ABCA1: variants seen among roughly 807,000 people sequenced by gnomAD.
ABCA1 encodes the protein phospholipid-transporting ATPase ABCA1.
In ABCA1, 133 loss-of-function variants were observed where a neutral mutation model predicts 262.5. The ratio of observed to expected loss-of-function variants is 0.51; its 90% CI spans 0.44 to 0.59. ABCA1 has a LOEUF of 0.59. Among genes scored for constraint, ABCA1 ranks in the 20% least tolerant of loss-of-function variants. The pLI is 0.00. For missense variants in ABCA1, 2,452 were observed against 2,777.5 expected, an observed-to-expected ratio of 0.88 and a Z score of 2.63; for synonymous variants, 1,022 against 1,043.5, an observed-to-expected ratio of 0.98 and a Z score of 0.40.
At chr9:104,828,296 G>A (rs529994916) in intron 15 of ABCA1, among the ~76,000 whole-genome samples, 5 of 152,278 alleles carry the variant, frequency 3.3e-5, no homozygotes, top group African/African-American at 4.8e-5. Context: ...GTGTCAGGAG[G>A]GAGGCCTTGG....
chr9:104,810,171 T>C (rs886706775), intron 29 of ABCA1, among the ~76,000 whole-genome samples: 1 of 128,994 alleles, frequency 7.8e-6, no homozygotes, highest in African/African-American at 2.7e-5. Context: ...TATATATACT[T>C]TTTTTTTTTT....
intron 14 of ABCA1, among the ~76,000 whole-genome samples, chr9:104,829,532 A>G (rs1292123457): frequency 1.3e-5 from 2 of 152,232 alleles, no homozygotes; most frequent in Non-Finnish European, 2.9e-5. Context: ...ATCACACCAC[A>G]GACATACATT....
chr9:104,799,119 C>A (rs1830125686), intron 36 of ABCA1, among the ~76,000 whole-genome samples: 1 of 151,902 alleles, frequency 6.6e-6, no homozygotes, highest in Non-Finnish European at 1.5e-5. Context: ...GTCTCATAAG[C>A]CCATTACATG....
At chr9:104,798,364 A>C in intron 37 of ABCA1, 57 bp downstream of exon 37, 1 of 1,578,380 alleles carries the variant, frequency 6.3e-7, no homozygotes, top group Admixed American at 1.7e-5. Context: ...TTTCTTATCC[A>C]TATCAATCCA....
intron 11 of ABCA1, among the ~76,000 whole-genome samples, chr9:104,833,225 G>A (rs1002479763): frequency 5.3e-5 from 8 of 152,048 alleles, no homozygotes; most frequent in South Asian, 2.1e-4. Flanking sequence ...TCTGCCGCCC[G>A]GGCTGGAGTG....
intron 1 of ABCA1, among the ~76,000 whole-genome samples, chr9:104,926,980 G>A (rs1826400460): frequency 2.0e-5 from 3 of 152,118 alleles, no homozygotes; most frequent in Admixed American, 6.5e-5. Context: ...GGGAGGCCGA[G>A]GCCGGTGGAT....
chr9:104,823,237 T>C (rs1832528431), intron 18 of ABCA1, among the ~76,000 whole-genome samples: 1 of 152,100 alleles, frequency 6.6e-6, no homozygotes, highest in Admixed American at 6.6e-5. Context: ...TGAAGGAGCT[T>C]TGTGACAATG....
At chr9:104,885,540 G>A (rs572895016) in intron 3 of ABCA1, among the ~76,000 whole-genome samples, 6 of 152,250 alleles carry the variant, frequency 3.9e-5, no homozygotes, top group East Asian at 3.9e-4. Flanking sequence ...TGTTATTATT[G>A]TTGTTTTGTC....
At chr9:104,862,127 G>A (rs550053041) in intron 5 of ABCA1, among the ~76,000 whole-genome samples, 27 of 150,052 alleles carry the variant, frequency 1.8e-4, no homozygotes, top group South Asian at 1.3e-3. Flanking sequence ...ATTTTGAGAC[G>A]GAGTCTCACC....
At chr9:104,794,653 C>T (rs962445777) in intron 39 of ABCA1, 143 bp from the exon 40 acceptor site, 5 of 907,478 alleles carry the variant, frequency 5.5e-6, no homozygotes, top group African/African-American at 5.0e-5. Flanking sequence ...CAAACCAGAC[C>T]TTTTAATTCA....
chr9:104,803,476 G>A (rs184493393), intron 32 of ABCA1, among the ~76,000 whole-genome samples, 160 bp from the exon 33 acceptor site: 175 of 152,302 alleles, frequency 1.1e-3, no homozygotes, highest in African/African-American at 4.1e-3. Flanking sequence ...AAAGAAGCCT[G>A]TGTTCAGGCC....
intron 5 of ABCA1, among the ~76,000 whole-genome samples, chr9:104,862,651 G>GCCCCCCCCC (rs1564198183): frequency 3.0e-4 from 2 of 6,722 alleles, no homozygotes; most frequent in Non-Finnish European, 5.5e-4. Context: ...GGCCGGGCCG[G>GCCCCCCCCC]GCCGGGCCGG....
At chr9:104,890,590 CA>C (rs775053779) in intron 2 of ABCA1, among the ~76,000 whole-genome samples, 341 of 138,600 alleles carry the variant, frequency 2.5e-3, no homozygotes, top group African/African-American at 7.5e-3. Context: ...CAAAAACAAA[CA>C]AAAAAAAAAA....
intron 2 of ABCA1, among the ~76,000 whole-genome samples, chr9:104,891,217 C>T (rs1839710894): frequency 6.6e-6 from 1 of 152,028 alleles, no homozygotes; most frequent in South Asian, 2.1e-4. Flanking sequence ...TTTTAAAAAA[C>T]TGTTTTTTAT....
chr9:104,825,841 G>A lies in ABCA1; in HGVS notation c.2384C>T (p.Ala795Val). 6.2e-7 allele frequency: 1 copy of A among 1,614,160 alleles called. No individual in the cohort carries two copies. Among genetic ancestry groups the A allele is most frequent in the South Asian group, 1.1e-5 (1 of 91,080 alleles). ...TCCAATGCCCTGCTCCTCAAAAAGG[G>A]CAAAGTACTCACAGCCAAACCCAAA... ...VAFGFGCEYF[A>V]LFEEQGIGVQ... is the part of the protein sequence containing the mutation. The change falls in exon 17 of 50, where the codon GCC becomes GTC. Residue 795 changes from alanine (A) to valine (V), a missense_variant. Ala to Val is a moderately conservative substitution (Grantham distance 64). Around this residue, in one of 4 missense-constraint regions of ABCA1, gnomAD observed 1,032 missense variants for 1,089.7 expected, o/e 0.95. Coordinates refer to ENST00000374736, the MANE Select transcript of ABCA1 (RefSeq NM_005502.4).
intron 5 of ABCA1, among the ~76,000 whole-genome samples, chr9:104,881,516 GC>G (rs1481532300): frequency 6.6e-6 from 1 of 152,110 alleles, no homozygotes; most frequent in Non-Finnish European, 1.5e-5. Context: ...CTTCCTATGT[GC>G]CAAATACTGT....
intron 15 of ABCA1, 61 bp from the exon 16 acceptor site, chr9:104,827,230 G>T: frequency 2.9e-6 from 4 of 1,398,934 alleles, no homozygotes; most frequent in Non-Finnish European, 3.0e-6. Flanking sequence ...TCACTTGTAT[G>T]ATCTACAGAA....
intron 47 of ABCA1, 81 bp from the exon 48 acceptor site, chr9:104,786,471 C>A: frequency 8.1e-7 from 1 of 1,229,396 alleles, no homozygotes; most frequent in Non-Finnish European, 1.2e-6. Flanking sequence ...TCCAGCATTC[C>A]AGCTTCCTAG....
At chr9:104,926,578 T>A (rs1826355497) in intron 1 of ABCA1, among the ~76,000 whole-genome samples, 1 of 151,538 alleles carries the variant, frequency 6.6e-6, no homozygotes, top group Admixed American at 6.6e-5. Flanking sequence ...CAAAGACACC[T>A]AGTAGAGCCG....
Sources: allele counts gnomAD v4.1 joint callset (sites outside exome capture counted in the v4.1 genomes callset), GRCh38; gene constraint gnomAD v4.1.1; regional missense constraint gnomAD v4.1.1; transcripts MANE v1.5; gene names NCBI Gene and HGNC (gene_info 2026-07-23, HGNC 2026-07-21).